The following WNK2 variants were observed in gnomAD, a reference collection of about 807,000 sequenced individuals.
WNK2 encodes WNK lysine deficient protein kinase 2, also known as serine/threonine-protein kinase WNK2.
WNK2 carries 67 observed loss-of-function variants against 192.1 expected under a neutral mutation model. That is an observed-to-expected ratio of 0.35 (90% CI 0.29 to 0.43). WNK2 has a LOEUF of 0.43. Among genes scored for constraint, WNK2 ranks in the 20% least tolerant of loss-of-function variants. The pLI, the probability that WNK2 is intolerant of heterozygous loss-of-function variation, is 1.00. For synonymous variants in WNK2, 1,439 were observed against 1,393.9 expected (o/e 1.03, Z -0.72); for missense variants, 2,698 against 3,089.7 (o/e 0.87, Z 3.01).
At position 93,259,651 on chromosome 9, in the gene WNK2, G is replaced by GT. The variant is rs1843888665; in HGVS notation, c.3066+38dup. On this transcript the variant is annotated intron_variant, in intron 12 of 29. Transcript: ENST00000427277. The surrounding 1 kb of genome is among the most constrained non-coding windows in gnomAD (Gnocchi z 4.8). ...CTGGGCAGGGGCTCACCCTCCCAGC[G>GT]TCTGGGGACCCTCAGGACCCAGAGA... is the stretch of plus-strand genomic sequence containing the variant. 4.0e-6 allele frequency: 6 copies of GT among 1,498,168 alleles called. No homozygotes were observed. The highest frequency in any genetic ancestry group is 5.3e-6 in the Non-Finnish European group (6 of 1,130,016). 92.8% of individuals were successfully genotyped at this position (1,498,168 alleles called of 1,614,324 possible).
rs777710787 is a variant in WNK2, at chr9:93,256,388, C to A, written c.2124C>A (p.Pro708=). Residue 708 remains proline (P), a synonymous_variant, in exon 10 of 30, where the codon CCC becomes CCA. Coordinates refer to ENST00000427277, the MANE Select transcript of WNK2 (RefSeq NM_006648.4). ...CGGATCCGGCCATGAGCTTCGCCCC[C>A]GTGCTGCCGCCGCCCAGCACCCCCA... ...HFPDPAMSFA[P]VLPPPSTPMP... The A allele has an allele frequency of 6.4e-7, 1 of 1,558,602 alleles. No homozygotes were observed. Among genetic ancestry groups the A allele is most frequent in the Non-Finnish European group, 8.6e-7 (1 of 1,158,244 alleles).
chr9:93,185,120 G>A lies in WNK2; in HGVS notation c.191G>A (p.Gly64Asp). 7.6e-7 allele frequency: 1 copy of A among 1,308,604 alleles called. No individual in the cohort carries two copies. The highest frequency in any genetic ancestry group is 2.9e-4 in the Middle Eastern group (1 of 3,472). 81.1% of individuals were successfully genotyped at this position (1,308,604 alleles called of 1,614,324 possible). A position where few individuals can be genotyped will look rare whatever the true frequency, so the allele number is the denominator to read the frequency against. Residue 64 changes from glycine (G) to aspartate (D), a missense_variant, in exon 2 of 30, where the codon GGC becomes GAC. Gly to Asp is a moderately conservative substitution (Grantham distance 94). Transcript: ENST00000427277. The part of the protein sequence containing the change: ...PPGLEAAEAP[G>D]PQPPQPLQRR... ...GGCTTGGAGGCAGCCGAGGCGCCGG[G>A]CCCGCAGCCCCCGCAGCCCCTGCAG...
chr9:93,291,186 T>C (rs1036188595), intron 21 of WNK2, among the ~76,000 whole-genome samples: 1 of 151,804 alleles, frequency 6.6e-6, no homozygotes, highest in African/African-American at 2.4e-5. Flanking sequence ...AAATGAGAGG[T>C]TGTGTTGGAG....
chr9:93,289,553 G>T lies in WNK2; in HGVS notation c.4799G>T (p.Gly1600Val). The change falls in exon 20 of 30, where the codon GGG becomes GTG. Residue 1600 changes from glycine to valine, a missense_variant. Around this residue, in one of 7 missense-constraint regions of WNK2, gnomAD observed 1,098 missense variants for 1,101.0 expected, o/e 1.00. Coordinates refer to ENST00000427277, the MANE Select transcript of WNK2 (RefSeq NM_006648.4). Reference protein sequence around the residue: ...GDQPRSEVCGGDLALPPVPKE... With the variant: ...GDQPRSEVCGVDLALPPVPKE... ...CAGCCCCGCTCAGAGGTCTGCGGGGGGGACCTGGCCCTGCCCCCAGTGCCT... is the reference window on the plus strand; with the variant it reads ...CAGCCCCGCTCAGAGGTCTGCGGGGTGGACCTGGCCCTGCCCCCAGTGCCT... 2 of 1,563,602 alleles carry T rather than the reference G, an allele frequency of 1.3e-6. No individual in the cohort carries two copies. The highest frequency in any genetic ancestry group is 1.7e-6 in the Non-Finnish European group (2 of 1,152,612).
At chr9:93,270,062 A>C (rs1198896066) in intron 19 of WNK2, among the ~76,000 whole-genome samples, 1 of 152,192 alleles carries the variant, frequency 6.6e-6, no homozygotes. Context: ...GGGGTGGCTG[A>C]GAGGCCTTGT....
chr9:93,275,769 C>G (rs542398730), intron 19 of WNK2, among the ~76,000 whole-genome samples: 13 of 152,322 alleles, frequency 8.5e-5, no homozygotes, highest in African/African-American at 2.9e-4. Flanking sequence ...ATAGGATACG[C>G]AGTCATCATA....
intron 2 of WNK2, among the ~76,000 whole-genome samples, chr9:93,205,978 C>A (rs919324937): frequency 3.4e-5 from 5 of 149,248 alleles, no homozygotes; most frequent in African/African-American, 1.3e-4. Flanking sequence ...GGTGGGGACA[C>A]CCCTGGAGGC....
chr9:93,282,917 G>A (rs1030978404), intron 19 of WNK2, among the ~76,000 whole-genome samples: 7 of 152,110 alleles, frequency 4.6e-5, no homozygotes, highest in African/African-American at 1.7e-4. Flanking sequence ...ATCTCAACAA[G>A]TTTCAAAGAA....
chr9:93,290,843 C>T (rs570262553), intron 21 of WNK2, among the ~76,000 whole-genome samples: 2 of 152,332 alleles, frequency 1.3e-5, no homozygotes, highest in Non-Finnish European at 2.9e-5. Context: ...CTTTGCTTCT[C>T]ATTTCATTAT....
At chr9:93,310,839 C>T (rs1441315298) in intron 28 of WNK2, among the ~76,000 whole-genome samples, 1 of 152,190 alleles carries the variant, frequency 6.6e-6, no homozygotes, top group Admixed American at 6.5e-5. Flanking sequence ...TTGCACATGC[C>T]TGTGGTCCCA....
At chr9:93,262,167 G>A (rs1171008839) in intron 13 of WNK2, 60 bp downstream of exon 13, 2 of 1,508,106 alleles carry the variant, frequency 1.3e-6, no homozygotes, top group African/African-American at 1.4e-5. Context: ...CCGGGGATCT[G>A]CATAGTGACC....
chr9:93,225,599 GC>G (rs928011639), intron 2 of WNK2, among the ~76,000 whole-genome samples: 7 of 152,076 alleles, frequency 4.6e-5, no homozygotes, highest in African/African-American at 1.2e-4. Flanking sequence ...TGCAGGGTAC[GC>G]CCCCCTACTT....
intron 9 of WNK2, among the ~76,000 whole-genome samples, chr9:93,254,838 G>A (rs951303787): frequency 6.6e-6 from 1 of 152,144 alleles, no homozygotes; most frequent in Non-Finnish European, 1.5e-5. Context: ...AAGGCTACTT[G>A]CTGCTCCAGA....
chr9:93,288,074 C>T (rs10512233), intron 19 of WNK2, among the ~76,000 whole-genome samples: 7,766 of 152,232 alleles, frequency 0.051, 255 homozygotes, highest in East Asian at 0.15. Flanking sequence ...GTTGCATTTT[C>T]AAGTAAGGAA....
chr9:93,292,116 AGTTTCCAAAACTGCT>A (rs1446718692), intron 21 of WNK2, among the ~76,000 whole-genome samples, 177 bp from the exon 22 acceptor site: 32 of 152,236 alleles, frequency 2.1e-4, no homozygotes, highest in Middle Eastern at 3.4e-3. Context: ...GAGTATTTTT[AGTTTCCAAAACTGCT>A]GTTTCCAAAA....
intron 5 of WNK2, among the ~76,000 whole-genome samples, chr9:93,236,423 G>C (rs2132182645): frequency 6.6e-6 from 1 of 152,314 alleles, no homozygotes; most frequent in African/African-American, 2.4e-5. Context: ...GAAAATTTAT[G>C]CTTTATGTTC....
chr9:93,247,706 T>C lies in WNK2; in HGVS notation c.1706T>C (p.Val569Ala). The change falls in exon 8 of 30, where the codon GTG (valine) becomes GCG (alanine). Residue 569 changes from valine to alanine, a missense_variant. By Grantham distance (64) the Val-to-Ala change is moderately conservative (BLOSUM62 0). Around this residue, in one of 7 missense-constraint regions of WNK2, gnomAD observed 893 missense variants for 909.0 expected, o/e 0.98. Coordinates refer to ENST00000427277, the MANE Select transcript of WNK2 (RefSeq NM_006648.4). The surrounding 1 kb of genome is among the most constrained non-coding windows in gnomAD (Gnocchi z 5.2). The part of the protein sequence containing the change: ...GSPDKARGPP[V>A]PLQVQVTYHA... ...CCGGACAAGGCCAGGGGTCCGCCGG[T>C]GCCCCTGCAGGTCCAGGTGACCTAC... The C allele has an allele frequency of 6.4e-7, 1 of 1,563,706 alleles. No homozygotes were observed. The highest frequency in any genetic ancestry group is 1.2e-5 in the South Asian group (1 of 84,940).
chr9:93,219,649 C>G (rs1410556053), intron 2 of WNK2, among the ~76,000 whole-genome samples: 2 of 152,262 alleles, frequency 1.3e-5, no homozygotes, highest in Non-Finnish European at 2.9e-5. Flanking sequence ...CTGGGACACG[C>G]AGTGCTGAGA....
At chr9:93,306,096 TAGA>T (rs1852479846) in intron 26 of WNK2, among the ~76,000 whole-genome samples, 1 of 152,204 alleles carries the variant, frequency 6.6e-6, no homozygotes, top group South Asian at 2.1e-4. Flanking sequence ...TGGTCCCAGT[TAGA>T]AGGAGGCCAG....
Sources: gnomAD v4.1 joint callset for allele counts (sites outside exome capture counted in the v4.1 genomes callset) on GRCh38, gnomAD v4.1.1 for gene constraint, gnomAD v4.1.1 regional missense constraint, Gnocchi (gnomAD v3.1) non-coding constraint, MANE v1.5 for transcripts, NCBI Gene and HGNC (gene_info 2026-07-23, HGNC 2026-07-21) for gene names.